FAM186B: variants seen among roughly 807,000 people sequenced by gnomAD.
FAM186B encodes the protein protein FAM186B.
A neutral mutation model predicts 83.4 loss-of-function variants in FAM186B; 68 were observed. The observed-to-expected ratio is 0.81, with a 90% CI of 0.67 to 1.00. The LOEUF (loss-of-function observed/expected upper bound fraction) is 1.00, where lower values mean the gene tolerates loss of function less well. FAM186B is among the 50% of genes least tolerant of loss of function. The probability of loss-of-function intolerance (pLI) is 0.00; values close to 1 mark genes in which losing one functional copy is unlikely to be tolerated. For synonymous variants in FAM186B, 389 were observed against 422.0 expected (o/e 0.92, Z 0.96); for missense variants, 983 against 1,099.2 (o/e 0.89, Z 1.49).
chr12:49,615,965 G>C, the FAM186B span, among the ~76,000 whole-genome samples: 1 of 150,722 alleles, frequency 6.6e-6, no homozygotes, highest in Admixed American at 6.6e-5. Flanking sequence ...AAGATTTTGG[G>C]AAAGTGAAAC....
At chr12:49,608,824 G>A (rs959259999), upstream of FAM186B, among the ~76,000 whole-genome samples, 2 of 151,832 alleles carry the variant, frequency 1.3e-5, no homozygotes, top group Non-Finnish European at 2.9e-5. Flanking sequence ...AAGCAACAGA[G>A]GCCAAGGGAG....
intron 6 of FAM186B, 39 bp downstream of exon 6, chr12:49,588,415 C>T (rs1450540939): frequency 8.9e-6 from 14 of 1,581,776 alleles, no homozygotes; most frequent in Non-Finnish European, 1.2e-5. Context: ...TGCCTCTTCA[C>T]CCATACAGCT....
chr12:49,614,314 A>G, the FAM186B span, among the ~76,000 whole-genome samples: 1 of 152,242 alleles, frequency 6.6e-6, no homozygotes, highest in Non-Finnish European at 1.5e-5. Context: ...ACATGGAATC[A>G]ACTTGATTCC....
At chr12:49,598,581 A>G (rs1326271499) in intron 5 of FAM186B, among the ~76,000 whole-genome samples, 174 bp downstream of exon 5, 1 of 151,968 alleles carries the variant, frequency 6.6e-6, no homozygotes, top group African/African-American at 2.4e-5. Flanking sequence ...TCAGGCCACC[A>G]CCTGCCTTCA....
chr12:49,600,426 A>G lies in FAM186B; in HGVS notation c.1214T>C (p.Phe405Ser). 6.2e-7 allele frequency: 1 copy of G among 1,613,750 alleles called. No homozygotes were observed. Among genetic ancestry groups the G allele is most frequent in the Non-Finnish European group, 8.5e-7 (1 of 1,179,766 alleles). Residue 405 changes from phenylalanine to serine, a missense_variant, in exon 4 of 7, where the codon TTC (phenylalanine) becomes TCC (serine). Physicochemically the swap from Phe to Ser is radical, Grantham distance 155. Transcript: ENST00000257894. The surrounding 1 kb of genome is among the most constrained non-coding windows in gnomAD (Gnocchi z 4.3). Reference protein sequence around the residue: ...MTVRSRVADVFGSKDTESLEP... With the variant: ...MTVRSRVADVSGSKDTESLEP... ...AAGGCTCTCAGTGTCCTTGCTGCCG[A>G]ACACATCTGCGACCCTCGAGCGCAC...
chr12:49,610,049 G>A (rs1592560038), upstream of FAM186B, among the ~76,000 whole-genome samples: 1 of 151,448 alleles, frequency 6.6e-6, no homozygotes. Flanking sequence ...TCTGCTGATA[G>A]TATACAAGGC....
At position 49,600,502 on chromosome 12, in the gene FAM186B, G is replaced by C; in HGVS notation, c.1138C>G (p.Arg380Gly). The change falls in exon 4 of 7, where the codon CGG (arginine) becomes GGG (glycine). Residue 380 changes from arginine to glycine, a missense_variant. By Grantham distance (125) the Arg-to-Gly change is moderately radical. Coordinates refer to ENST00000257894, the MANE Select transcript of FAM186B (RefSeq NM_032130.3). The surrounding 1 kb of genome is among the most constrained non-coding windows in gnomAD (Gnocchi z 4.3). ...CCTGCAGCTATAGCACCACTGTCCC[G>C]TATCATGGCCATGGGACTTGGGGGA... The part of the protein sequence containing the change: ...PLPPSPMAMI[R>G]DSGAIAAGHQ... 1 of 1,613,924 alleles carries C rather than the reference G, an allele frequency of 6.2e-7. No individual in the cohort carries two copies. The highest frequency in any genetic ancestry group is 1.1e-5 in the South Asian group (1 of 91,036).
the FAM186B span, among the ~76,000 whole-genome samples, chr12:49,614,912 C>T: frequency 1.8e-3 from 270 of 152,080 alleles, 1 homozygote; most frequent in Middle Eastern, 0.01. Flanking sequence ...GGGCGGATCA[C>T]GAGGTCTGGA....
chr12:49,605,782 C>T (rs1432944780), upstream of FAM186B: 11 of 188,888 alleles, frequency 5.8e-5, no homozygotes, highest in Non-Finnish European at 1.1e-4. Context: ...TTTTTTGAGA[C>T]GGAGTCTCCC....
Position 49,605,392 on chromosome 12 carries a change from C to A in FAM186B, c.86G>T (p.Arg29Leu). Residue 29 changes from arginine to leucine, a missense_variant, in exon 1 of 7, where the codon CGG becomes CTG. Coordinates refer to ENST00000257894, the MANE Select transcript of FAM186B (RefSeq NM_032130.3). ...CATCTCAGGGGCTACCTCTTGAGCC[C>A]GAGTTAGCTGGGCAGCCTCAATCCT... ...ILRIEAAQLTRAQEDISTQLS... is the reference protein window; with the variant it reads ...ILRIEAAQLTLAQEDISTQLS... 12 of 1,612,874 alleles carry A rather than the reference C, an allele frequency of 7.4e-6. No individual in the cohort carries two copies. The highest frequency in any genetic ancestry group is 1.0e-5 in the Non-Finnish European group (12 of 1,179,572).
intron 1 of FAM186B, 49 bp from the exon 2 acceptor site, chr12:49,604,587 G>GA: frequency 6.6e-7 from 1 of 1,507,662 alleles, no homozygotes; most frequent in Non-Finnish European, 9.2e-7. Context: ...ACTTGAGCCA[G>GA]AAGCCACATG....
chr12:49,595,975 C>G (rs1939711055), intron 5 of FAM186B, among the ~76,000 whole-genome samples: 1 of 152,130 alleles, frequency 6.6e-6, no homozygotes, highest in South Asian at 2.1e-4. Flanking sequence ...CAGAGCGAGA[C>G]TCCGTCTCAA....
chr12:49,607,868 T>G (rs1237986797), upstream of FAM186B, among the ~76,000 whole-genome samples: 1 of 151,726 alleles, frequency 6.6e-6, no homozygotes, highest in Non-Finnish European at 1.5e-5. Flanking sequence ...CGCAGCTAAT[T>G]TTTGTATTTT....
At chr12:49,594,391 C>T (rs1257192711) in intron 5 of FAM186B, 2 of 155,892 alleles carry the variant, frequency 1.3e-5, no homozygotes, top group East Asian at 3.8e-4. Context: ...TTTCAAGAAC[C>T]CCAGTGGACG....
chr12:49,601,145 TAGAG>T lies in FAM186B; in HGVS notation c.506-15_506-12del, dbSNP rs746307439. The T allele has an allele frequency of 6.5e-7, 1 of 1,528,946 alleles. No homozygotes were observed. Among genetic ancestry groups the T allele is most frequent in the South Asian group, 1.3e-5 (1 of 77,394 alleles). 94.7% of individuals were successfully genotyped at this position (1,528,946 alleles called of 1,614,324 possible). On this transcript the variant is annotated splice_polypyrimidine_tract_variant and intron_variant, in intron 3 of 6. Coordinates refer to ENST00000257894, the MANE Select transcript of FAM186B (RefSeq NM_032130.3). Reference sequence around the variant, plus strand: ...AGGTGCGTTTGGACACTGGGACAGGTAGAGAGAAAAAAGTCAACGATTTCTCATG... The same window carrying T: ...AGGTGCGTTTGGACACTGGGACAGGTAGAAAAAAGTCAACGATTTCTCATG...
chr12:49,596,334 A>AG (rs1423838391), intron 5 of FAM186B, among the ~76,000 whole-genome samples: 2 of 151,570 alleles, frequency 1.3e-5, no homozygotes, highest in African/African-American at 4.8e-5. Flanking sequence ...AAAAAAAAAA[A>AG]AAAAAAAAAA....
At chr12:49,589,202 C>T (rs887613914) in intron 5 of FAM186B, among the ~76,000 whole-genome samples, 1 of 152,314 alleles carries the variant, frequency 6.6e-6, no homozygotes, top group South Asian at 2.1e-4. Context: ...AATGCCTCAG[C>T]ATGCTGCCTC....
At chr12:49,617,698 C>T in the FAM186B span, among the ~76,000 whole-genome samples, 2 of 152,038 alleles carry the variant, frequency 1.3e-5, no homozygotes, top group African/African-American at 2.4e-5. Flanking sequence ...TATTTTAAAA[C>T]CAGTTAAAAT....
At chr12:49,602,379 T>C (rs150344165) in intron 3 of FAM186B, among the ~76,000 whole-genome samples, 234 of 152,324 alleles carry the variant, frequency 1.5e-3, no homozygotes, top group African/African-American at 5.5e-3. Context: ...ATAATGAGGC[T>C]GGCCATGAGG....
Sources: allele counts gnomAD v4.1 joint callset (sites outside exome capture counted in the v4.1 genomes callset), GRCh38; gene constraint gnomAD v4.1.1; non-coding constraint Gnocchi (gnomAD v3.1); transcripts MANE v1.5; gene names NCBI Gene and HGNC (gene_info 2026-07-23, HGNC 2026-07-21).